Variants in SVEP1 observed in about 807,000 individuals in gnomAD.
The protein encoded by SVEP1 is sushi, von Willebrand factor type A, EGF and pentraxin domain-containing protein 1.
SVEP1 carries 164 observed loss-of-function variants against 367.3 expected under a neutral mutation model. The ratio of observed to expected loss-of-function variants is 0.45; its 90% CI spans 0.39 to 0.51. SVEP1 has a LOEUF of 0.51. Ranked by LOEUF, SVEP1 falls within the 20% of genes least tolerant of loss-of-function variation. The probability of loss-of-function intolerance (pLI) is 0.00; values close to 1 mark genes in which losing one functional copy is unlikely to be tolerated. For synonymous variants in SVEP1, 1,666 were observed against 1,611.6 expected (o/e 1.03, Z -0.81); for missense variants, 4,117 against 4,425.3 (o/e 0.93, Z 1.98).
intron 3 of SVEP1, among the ~76,000 whole-genome samples, chr9:110,521,852 A>G (rs1297807467): frequency 6.6e-6 from 1 of 152,170 alleles, no homozygotes. Flanking sequence ...ATCATGTAAG[A>G]AAGAGAAAAA....
chr9:110,457,365 T>TA lies in SVEP1; in HGVS notation c.3577-14dup, dbSNP rs756092551. 19 of 1,593,314 alleles carry TA rather than the reference T, an allele frequency of 1.2e-5. 1 individual carries two copies. Among genetic ancestry groups the TA allele is most frequent in the South Asian group, 4.5e-5 (4 of 88,862 alleles). On this transcript the variant is annotated splice_polypyrimidine_tract_variant and intron_variant, in intron 20 of 47. Coordinates refer to ENST00000374469, the MANE Select transcript of SVEP1 (RefSeq NM_153366.4). ...ATTCATGGAAAACCTACCAGTAGCATAAAAAAATCAATCAGAGACAAAGCA... is the reference window on the plus strand; with the variant it reads ...ATTCATGGAAAACCTACCAGTAGCATAAAAAAAATCAATCAGAGACAAAGCA...
intron 18 of SVEP1, among the ~76,000 whole-genome samples, chr9:110,461,181 C>G (rs1021338395): frequency 6.6e-6 from 1 of 152,096 alleles, no homozygotes; most frequent in Non-Finnish European, 1.5e-5. Context: ...AAACATAAAA[C>G]AAGCTCGGGT....
rs567564774 is a variant in SVEP1, at chr9:110,468,927, A to C, written c.3160+13T>G. 5.3e-5 allele frequency: 82 copies of C among 1,548,916 alleles called. No individual in the cohort carries two copies. The South Asian group carries it at 9.7e-4, about 18-fold the overall frequency. On this transcript the variant is annotated intron_variant, in intron 17 of 47. Transcript: ENST00000374469. ...TGGGCTGCTTCTAGTTGAAATGTCC[A>C]GTAAGCCTCTACCTTTACAATCAGA... is the stretch of plus-strand genomic sequence containing the variant.
Position 110,466,760 on chromosome 9 carries a change from CA to C in SVEP1, c.3161-735del, listed in dbSNP as rs71371670. Among the ~76,000 whole-genome samples the C allele has an allele frequency of 1.9e-3, 88 of 46,408 alleles. 14 individuals carry two copies. The highest frequency in any genetic ancestry group is 0.012 in the South Asian group (11 of 898). The allele number at this position is 46,408 out of a possible 152,430, so 30.4% of individuals were successfully genotyped here. On this transcript the variant is annotated intron_variant, in intron 17 of 47. Transcript: ENST00000374469. ...TGGGCGACAGAGCGAGACTCCATCT[CA>C]AAAAAAAAAAAAAAAAAGAACTGGC...
intron 13 of SVEP1, among the ~76,000 whole-genome samples, chr9:110,477,138 C>T (rs1292965682): frequency 6.6e-6 from 1 of 152,208 alleles, no homozygotes; most frequent in African/African-American, 2.4e-5. Context: ...CTGTCACTCA[C>T]TCCTGTAGTC....
chr9:110,465,013 TAGTC>T (rs1828913115), intron 18 of SVEP1, among the ~76,000 whole-genome samples: 1 of 152,332 alleles, frequency 6.6e-6, no homozygotes, highest in Middle Eastern at 3.4e-3. Flanking sequence ...GTAGGGATGT[TAGTC>T]AGAAATACTT....
chr9:110,392,980 C>CAAGTAACT (rs765978574), intron 40 of SVEP1, among the ~76,000 whole-genome samples: 3 of 152,082 alleles, frequency 2.0e-5, no homozygotes, highest in Non-Finnish European at 4.4e-5. Context: ...GTAATTTCTC[C>CAAGTAACT]AAGTAACTGA....
intron 13 of SVEP1, among the ~76,000 whole-genome samples, chr9:110,479,365 T>C (rs1395374672): frequency 6.6e-6 from 1 of 152,220 alleles, no homozygotes; most frequent in Non-Finnish European, 1.5e-5. Flanking sequence ...TTTGTCAAAC[T>C]TTAAATAATA....
chr9:110,456,175 T>A (rs1185123655), intron 21 of SVEP1, among the ~76,000 whole-genome samples: 3 of 152,170 alleles, frequency 2.0e-5, no homozygotes, highest in African/African-American at 7.2e-5. Flanking sequence ...AAACCCATAT[T>A]CTTTCTCAGG....
intron 3 of SVEP1, among the ~76,000 whole-genome samples, chr9:110,542,332 T>C (rs527745626): frequency 2.0e-5 from 3 of 152,236 alleles, no homozygotes; most frequent in Non-Finnish European, 2.9e-5. Context: ...TTTCCTCTTG[T>C]AGAATGAGGG....
chr9:110,540,967 C>T (rs373613898), intron 3 of SVEP1, among the ~76,000 whole-genome samples: 20 of 152,216 alleles, frequency 1.3e-4, no homozygotes, highest in South Asian at 2.1e-4. Context: ...CCCACAACAA[C>T]GAGGAAGAAA....
chr9:110,465,721 A>C, intron 18 of SVEP1, 144 bp downstream of exon 18: 1 of 1,119,408 alleles, frequency 8.9e-7, no homozygotes, highest in Non-Finnish European at 1.2e-6. Flanking sequence ...GAAACTAAAC[A>C]AACAAAAAAA....
chr9:110,387,339 C>CAGATGGCCCTTCAAGACTG lies in SVEP1; in HGVS notation c.9987_10005dup (p.Glu3336GlnfsTer3). 1 of 1,613,228 alleles carries CAGATGGCCCTTCAAGACTG rather than the reference C, an allele frequency of 6.2e-7. No homozygotes were observed. On this transcript the variant is annotated stop_gained and frameshift_variant, in exon 42 of 48. Coordinates refer to ENST00000374469, the MANE Select transcript of SVEP1 (RefSeq NM_153366.4). LOFTEE classifies it high-confidence loss of function. The stretch of plus-strand genomic sequence containing the variant: ...GTTCCATTTTCTGTGCAGTGTGCCT[C>CAGATGGCCCTTCAAGACTG]AGATGGCCCTTCAAGACTGTAGCCT...
rs73534505 is a variant in SVEP1, at chr9:110,519,535, C to A, written c.965-5429G>T. Among the ~76,000 whole-genome samples the A allele has an allele frequency of 7.7e-3, 1,180 of 152,302 alleles. 16 individuals are homozygous for A. Among genetic ancestry groups the A allele is most frequent in the African/African-American group, 0.027 (1,107 of 41,538 alleles). On this transcript the variant is annotated intron_variant, in intron 3 of 47. Transcript: ENST00000374469. ...CCCACAGAGTACACTACCCATTCCT[C>A]TGCACTGGCACACATCACACTCTTT...
chr9:110,500,239 C>T (rs1257692098), intron 6 of SVEP1, among the ~76,000 whole-genome samples: 4 of 152,132 alleles, frequency 2.6e-5, no homozygotes, highest in African/African-American at 9.7e-5. Context: ...TGCATGCCAT[C>T]CCAGACCTCC....
In SVEP1 at chr9:110,451,422, T is replaced by C; in HGVS notation, c.3788-20A>G. 3 of 1,599,936 alleles carry C rather than the reference T, an allele frequency of 1.9e-6. No homozygotes were observed. Among genetic ancestry groups the C allele is most frequent in the Non-Finnish European group, 2.6e-6 (3 of 1,169,358 alleles). On this transcript the variant is annotated intron_variant, in intron 22 of 47. Transcript: ENST00000374469. The stretch of plus-strand genomic sequence containing the variant: ...GCTGACCTGCAAAGAATCATTCATC[T>C]TTGAGCTGGAGAAAACTTGACAGAA...
intron 17 of SVEP1, 118 bp downstream of exon 17, chr9:110,468,822 T>G (rs1017056372): frequency 4.1e-6 from 4 of 982,310 alleles, no homozygotes; most frequent in Non-Finnish European, 5.7e-6. Context: ...ATCTATCTTT[T>G]GCCACAGGGG....
chr9:110,384,628 T>C (rs906758699), intron 43 of SVEP1, among the ~76,000 whole-genome samples: 14 of 150,832 alleles, frequency 9.3e-5, no homozygotes, highest in Non-Finnish European at 1.6e-4. Flanking sequence ...AAATCTATAA[T>C]AACTACAAGA....
chr9:110,551,097 G>A (rs538636863), intron 1 of SVEP1, among the ~76,000 whole-genome samples: 48 of 152,228 alleles, frequency 3.2e-4, no homozygotes, highest in African/African-American at 9.9e-4. Flanking sequence ...TGTTTATTCC[G>A]CAAGAATTCA....
Sources: allele counts gnomAD v4.1 joint callset (sites outside exome capture counted in the v4.1 genomes callset), GRCh38; gene constraint gnomAD v4.1.1; transcripts MANE v1.5; gene names NCBI Gene and HGNC (gene_info 2026-07-23, HGNC 2026-07-21).